RORB: variants seen among roughly 807,000 people sequenced by gnomAD.
The protein encoded by RORB is nuclear receptor ROR-beta.
Under a neutral mutation model 59.1 loss-of-function variants are expected in RORB, and 6 were observed. The ratio of observed to expected loss-of-function variants is 0.10; its 90% CI spans 0.06 to 0.20. The LOEUF is 0.20. RORB is among the 10% of genes least tolerant of loss of function. The pLI, the probability that RORB is intolerant of heterozygous loss-of-function variation, is 1.00. For missense variants in RORB, 320 were observed against 560.5 expected, an observed-to-expected ratio of 0.57 and a Z score of 4.33; for synonymous variants, 215 against 204.5, an observed-to-expected ratio of 1.05 and a Z score of -0.44.
At chr9:74,535,543 C>G (rs1009880514) in intron 1 of RORB, among the ~76,000 whole-genome samples, 2 of 151,888 alleles carry the variant, frequency 1.3e-5, no homozygotes, top group Non-Finnish European at 2.9e-5. Context: ...ATACCGCCCC[C>G]CCACCCACAC....
chr9:74,596,999 G>A (rs1443444506), intron 1 of RORB, among the ~76,000 whole-genome samples: 1 of 152,122 alleles, frequency 6.6e-6, no homozygotes, highest in Non-Finnish European at 1.5e-5. Context: ...TCATTCCCAG[G>A]GAAAGCCCTA....
intron 9 of RORB, among the ~76,000 whole-genome samples, chr9:74,672,529 A>C (rs892921098): frequency 1.3e-5 from 2 of 152,164 alleles, no homozygotes; most frequent in African/African-American, 4.8e-5. Flanking sequence ...AAAATGGGGA[A>C]GTTTCCCTGG....
At chr9:74,634,483 G>C (rs184429074) in intron 2 of RORB, 148 bp from the exon 3 acceptor site, 23 of 647,692 alleles carry the variant, frequency 3.6e-5, no homozygotes, top group Middle Eastern at 4.4e-4. Context: ...AGAAATATCT[G>C]CAAGCCATAC....
chr9:74,622,519 A>T (rs1308120259), intron 1 of RORB, among the ~76,000 whole-genome samples: 35 of 74,132 alleles, frequency 4.7e-4, no homozygotes, highest in Admixed American at 1.1e-3. Context: ...TACAACCCAG[A>T]TTTTTTTTTT....
At chr9:74,529,042 G>A (rs1826195576) in intron 1 of RORB, among the ~76,000 whole-genome samples, 2 of 151,944 alleles carry the variant, frequency 1.3e-5, no homozygotes, top group Admixed American at 1.3e-4. Context: ...AAGGAGAAGT[G>A]CTCTATTCGT....
Position 74,680,268 on chromosome 9 carries a change from G to A in RORB, c.1225-5195G>A, listed in dbSNP as rs184005422. 7.2e-3 allele frequency among the ~76,000 whole-genome samples: 1,093 copies of A among 152,264 alleles called. 17 individuals are homozygous for A. The highest frequency in any genetic ancestry group is 0.025 in the African/African-American group (1,037 of 41,550). ...TCAATCAGGAAAGTACTGGAACTAC[G>A]AATTGGGAAGCCTTCCGAATTCTTC... is the stretch of plus-strand genomic sequence containing the variant. On this transcript the variant is annotated intron_variant, in intron 9 of 9. Transcript: ENST00000376896.
chr9:74,558,391 G>A (rs1012851289), intron 1 of RORB, among the ~76,000 whole-genome samples: 1 of 152,128 alleles, frequency 6.6e-6, no homozygotes, highest in Non-Finnish European at 1.5e-5. Context: ...TATTACTTCT[G>A]CCAGTTTTCC....
At chr9:74,512,971 A>G (rs1825961493) in intron 1 of RORB, among the ~76,000 whole-genome samples, 2 of 152,324 alleles carry the variant, frequency 1.3e-5, no homozygotes, top group South Asian at 2.1e-4. Flanking sequence ...ATTTTAATGA[A>G]TGAGCAAAAT....
At chr9:74,571,402 A>T (rs1822548834) in intron 1 of RORB, among the ~76,000 whole-genome samples, 2 of 131,934 alleles carry the variant, frequency 1.5e-5, no homozygotes, top group South Asian at 2.4e-4. Context: ...ACTTTCCTTT[A>T]AAAAAAAAAA....
At chr9:74,500,391 T>C (rs1364360308) in intron 1 of RORB, among the ~76,000 whole-genome samples, 1 of 152,086 alleles carries the variant, frequency 6.6e-6, no homozygotes, top group African/African-American at 2.4e-5. Context: ...TGACGTCTTG[T>C]GGAGTTGGGA....
rs561748943 is a variant in RORB at position 74,578,751 on chromosome 9, T to C, written c.8-51531T>C. Among the ~76,000 whole-genome samples the C allele has an allele frequency of 1.6e-4, 25 of 152,240 alleles. No homozygotes were observed. The South Asian group carries it at 5.0e-3, about 30-fold the overall frequency. Reference sequence around the variant, plus strand: ...TAGTTAAAATGGTACAAGACTTTAGTCTTCGGCACTGTTTCTATATGAAGT... The same window carrying C: ...TAGTTAAAATGGTACAAGACTTTAGCCTTCGGCACTGTTTCTATATGAAGT... On this transcript the variant is annotated intron_variant, in intron 1 of 9. Coordinates refer to ENST00000376896, the MANE Select transcript of RORB (RefSeq NM_006914.4).
At chr9:74,610,638 A>G (rs1016777378) in intron 1 of RORB, among the ~76,000 whole-genome samples, 10 of 152,212 alleles carry the variant, frequency 6.6e-5, no homozygotes, top group Admixed American at 1.3e-4. Flanking sequence ...CCACAGCATC[A>G]CCATTTTACA....
chr9:74,596,520 T>A (rs552731260), intron 1 of RORB, among the ~76,000 whole-genome samples: 2 of 152,172 alleles, frequency 1.3e-5, no homozygotes, highest in Non-Finnish European at 2.9e-5. Flanking sequence ...TGGGTCTTGA[T>A]CAAACAATGG....
At chr9:74,545,673 G>T (rs1357102789) in intron 1 of RORB, among the ~76,000 whole-genome samples, 1 of 152,156 alleles carries the variant, frequency 6.6e-6, no homozygotes, top group Non-Finnish European at 1.5e-5. Flanking sequence ...AAATTTCTCA[G>T]GAGAGAAAGA....
At chr9:74,506,995 A>G (rs1448292017) in intron 1 of RORB, among the ~76,000 whole-genome samples, 1 of 152,090 alleles carries the variant, frequency 6.6e-6, no homozygotes, top group Non-Finnish European at 1.5e-5. Flanking sequence ...GAAGGCTTGG[A>G]AGTCTCCTGT....
chr9:74,626,304 A>G (rs1008557719), intron 1 of RORB, among the ~76,000 whole-genome samples: 3 of 152,228 alleles, frequency 2.0e-5, no homozygotes, highest in Non-Finnish European at 4.4e-5. Context: ...AAAGCAGCAA[A>G]TTATTTTAAA....
chr9:74,535,035 C>T lies in RORB; in HGVS notation c.7+37052C>T, dbSNP rs988578868. 1.3e-4 allele frequency among the ~76,000 whole-genome samples: 20 copies of T among 151,956 alleles called. 1 individual carries two copies. The highest frequency in any genetic ancestry group is 3.9e-4 in the East Asian group (2 of 5,160). Reference sequence around the variant, plus strand: ...AGCGGGCTCTGTAACCAGTCAGTCACGCATAAGTTGTGACAGCGCATCACA... The same window carrying T: ...AGCGGGCTCTGTAACCAGTCAGTCATGCATAAGTTGTGACAGCGCATCACA... On this transcript the variant is annotated intron_variant, in intron 1 of 9. Coordinates refer to ENST00000376896, the MANE Select transcript of RORB (RefSeq NM_006914.4).
chr9:74,556,424 A>G (rs1460817243), intron 1 of RORB, among the ~76,000 whole-genome samples: 1 of 152,196 alleles, frequency 6.6e-6, no homozygotes, highest in Non-Finnish European at 1.5e-5. Context: ...CTCTACAGCA[A>G]GGAGTTTGAT....
intron 1 of RORB, among the ~76,000 whole-genome samples, chr9:74,600,383 G>T (rs557487028): frequency 6.6e-5 from 10 of 152,282 alleles, no homozygotes; most frequent in Middle Eastern, 6.8e-3. Flanking sequence ...ATAGGTGAAG[G>T]TCATGTTCAA....
Sources: allele counts gnomAD v4.1 joint callset (sites outside exome capture counted in the v4.1 genomes callset), GRCh38; gene constraint gnomAD v4.1.1; transcripts MANE v1.5; gene names NCBI Gene and HGNC (gene_info 2026-07-23, HGNC 2026-07-21).